MYO1D: variants seen among roughly 807,000 people sequenced by gnomAD.
MYO1D encodes myosin ID, also known as unconventional myosin-Id.
A neutral mutation model predicts 122.0 loss-of-function variants in MYO1D; 83 were observed. That is an observed-to-expected ratio of 0.68 (90% CI 0.57 to 0.82). The LOEUF (loss-of-function observed/expected upper bound fraction) is 0.82. Ranked by LOEUF, MYO1D falls within the 40% of genes least tolerant of loss-of-function variation. The pLI is 0.00. For missense variants in MYO1D, 1,157 were observed against 1,269.5 expected, an observed-to-expected ratio of 0.91 and a Z score of 1.35; for synonymous variants, 464 against 446.9, an observed-to-expected ratio of 1.04 and a Z score of -0.48.
At chr17:32,587,809 C>T (rs1037346714) in intron 21 of MYO1D, among the ~76,000 whole-genome samples, 2 of 152,210 alleles carry the variant, frequency 1.3e-5, no homozygotes, top group Non-Finnish European at 2.9e-5. Context: ...GCACTGGGCA[C>T]AGACTCTCCT....
intron 1 of MYO1D, among the ~76,000 whole-genome samples, chr17:32,819,281 A>C (rs1366494129): frequency 6.6e-6 from 1 of 151,980 alleles, no homozygotes; most frequent in African/African-American, 2.4e-5. Context: ...TAAGCAGGGA[A>C]GTTGGCTGTG....
At position 32,767,690 on chromosome 17, in the gene MYO1D, G is replaced by A; in HGVS notation, c.777C>T (p.Phe259=). The A allele has an allele frequency of 6.2e-7, 1 of 1,613,944 alleles. No homozygotes were observed. The highest frequency in any genetic ancestry group is 8.5e-7 in the Non-Finnish European group (1 of 1,179,968). The stretch of plus-strand genomic sequence containing the variant: ...ACACTGTTTGGATCTCCTCAGGTTT[G>A]AAGCCAATGACTTTCATGGCATCAG... ...VVADAMKVIG[F]KPEEIQTVYK... is the part of the protein sequence containing the mutation. Residue 259 remains phenylalanine (F), a synonymous_variant, in exon 7 of 22, where the codon TTC becomes TTT. Coordinates refer to ENST00000318217, the MANE Select transcript of MYO1D (RefSeq NM_015194.3).
rs11314895 is a variant in MYO1D at position 32,597,489 on chromosome 17, TAA to T, written c.2864+7596_2864+7597del. ...TATGTGTAGCATATCACCATTTTTG[TAA>T]AAAAAAAAGTCATAGGAGATATCTA... On this transcript the variant is annotated intron_variant, in intron 21 of 21. Coordinates refer to ENST00000318217, the MANE Select transcript of MYO1D (RefSeq NM_015194.3). Among the ~76,000 whole-genome samples, 8 of 150,532 alleles carry T rather than the reference TAA, an allele frequency of 5.3e-5. No homozygotes were observed. The South Asian group carries it at 1.0e-3, about 20-fold the overall frequency.
intron 1 of MYO1D, among the ~76,000 whole-genome samples, chr17:32,790,807 C>T (rs1035637913): frequency 3.9e-5 from 6 of 152,156 alleles, no homozygotes; most frequent in Non-Finnish European, 7.3e-5. Context: ...AATAGGTATG[C>T]ACACACACAC....
chr17:32,683,266 A>G (rs1259129039), intron 16 of MYO1D, among the ~76,000 whole-genome samples: 3 of 152,100 alleles, frequency 2.0e-5, no homozygotes, highest in Non-Finnish European at 4.4e-5. Flanking sequence ...GTCATTCTCC[A>G]TCCAGCTTTG....
intron 1 of MYO1D, among the ~76,000 whole-genome samples, chr17:32,826,288 G>A (rs879731132): frequency 1.6e-4 from 3 of 18,682 alleles, no homozygotes; most frequent in African/African-American, 2.4e-4. Flanking sequence ...TCACCTACCT[G>A]CAATCAACAC....
At chr17:32,837,259 T>C (rs1229698797) in intron 1 of MYO1D, among the ~76,000 whole-genome samples, 2 of 148,102 alleles carry the variant, frequency 1.4e-5, no homozygotes, top group African/African-American at 2.5e-5. Context: ...CTTTTCTTTT[T>C]TTTTTTTTAA....
intron 16 of MYO1D, among the ~76,000 whole-genome samples, chr17:32,664,942 C>G (rs1188312223): frequency 6.6e-6 from 1 of 152,146 alleles, no homozygotes; most frequent in Non-Finnish European, 1.5e-5. Context: ...TGGTCTGACA[C>G]TGTCTCCTCC....
chr17:32,572,222 C>G (rs891165994), intron 21 of MYO1D, among the ~76,000 whole-genome samples: 3 of 150,246 alleles, frequency 2.0e-5, no homozygotes, highest in Non-Finnish European at 4.4e-5. Flanking sequence ...CCTTCCAGCA[C>G]TTTTACTCCC....
chr17:32,527,149 G>C (rs1293276833), intron 21 of MYO1D, among the ~76,000 whole-genome samples: 1 of 152,152 alleles, frequency 6.6e-6, no homozygotes, highest in African/African-American at 2.4e-5. Context: ...CATGCCTCTC[G>C]GAACTGCAAG....
intron 16 of MYO1D, among the ~76,000 whole-genome samples, chr17:32,703,337 T>C (rs2150981911): frequency 6.6e-6 from 1 of 152,346 alleles, no homozygotes; most frequent in Non-Finnish European, 1.5e-5. Context: ...TATCTACCTG[T>C]CCAAATTTGT....
chr17:32,813,644 A>C (rs2090590534), intron 1 of MYO1D, among the ~76,000 whole-genome samples: 1 of 152,228 alleles, frequency 6.6e-6, no homozygotes, highest in Admixed American at 6.5e-5. Flanking sequence ...AGTAACAGTA[A>C]AGGAAAGGAA....
intron 16 of MYO1D, among the ~76,000 whole-genome samples, chr17:32,673,288 G>C (rs1454868231): frequency 1.3e-5 from 2 of 151,240 alleles, no homozygotes; most frequent in East Asian, 1.9e-4. Context: ...TATTTTAGTA[G>C]AAACGGGGTT....
At position 32,644,724 on chromosome 17, in the gene MYO1D, C is replaced by G. The variant is rs971020627; in HGVS notation, c.2596-5889G>C. 5.3e-5 allele frequency among the ~76,000 whole-genome samples: 8 copies of G among 152,122 alleles called. No homozygotes were observed. The East Asian group carries it at 1.3e-3, about 26-fold the overall frequency. ...GGTTTAAGGTCCGTTTTATCAGAGACTAGGATTGCAACCCCTGCCTTTTTT... is the reference window on the plus strand; with the variant it reads ...GGTTTAAGGTCCGTTTTATCAGAGAGTAGGATTGCAACCCCTGCCTTTTTT... On this transcript the variant is annotated intron_variant, in intron 19 of 21. Coordinates refer to ENST00000318217, the MANE Select transcript of MYO1D (RefSeq NM_015194.3).
At chr17:32,702,817 C>G (rs1433668977) in intron 16 of MYO1D, among the ~76,000 whole-genome samples, 1 of 152,166 alleles carries the variant, frequency 6.6e-6, no homozygotes, top group Non-Finnish European at 1.5e-5. Flanking sequence ...GACTGTGGAC[C>G]CCACAGTTCA....
rs761118348 is a variant in MYO1D, at chr17:32,605,123, C to T, written c.2828G>A (p.Gly943Glu). The change falls in exon 21 of 22, where the codon GGA (glycine) becomes GAA (glutamate). Residue 943 changes from glycine (G) to glutamate (E), a missense_variant. Gly to Glu is a moderately conservative substitution (Grantham distance 98). Coordinates refer to ENST00000318217, the MANE Select transcript of MYO1D (RefSeq NM_015194.3). ...ATTCACCAGCACTCCAACAAGTTCT[C>T]CAATTCGACTCTCATGGGTTGGCTG... ...SKQPTHESRIGELVGVLVNHF... is the reference protein window; with the variant it reads ...SKQPTHESRIEELVGVLVNHF... 1.9e-6 allele frequency: 3 copies of T among 1,603,998 alleles called. No homozygotes were observed. In the South Asian group the frequency reaches 3.3e-5, roughly 18 times the overall value.
intron 10 of MYO1D, among the ~76,000 whole-genome samples, chr17:32,758,904 T>C (rs1038322967): frequency 2.6e-5 from 4 of 152,124 alleles, no homozygotes; most frequent in African/African-American, 9.7e-5. Context: ...TTAATTCTTT[T>C]TGAGATGTTT....
intron 16 of MYO1D, among the ~76,000 whole-genome samples, chr17:32,703,983 G>A: frequency 6.6e-6 from 1 of 152,170 alleles, no homozygotes; most frequent in Non-Finnish European, 1.5e-5. Context: ...AATCAGTGTG[G>A]ACAGATTTAT....
chr17:32,838,221 A>G (rs2090846080), intron 1 of MYO1D, among the ~76,000 whole-genome samples: 1 of 152,210 alleles, frequency 6.6e-6, no homozygotes, highest in Non-Finnish European at 1.5e-5. Flanking sequence ...CTATTAACAT[A>G]CTGGTCTCAT....
Sources: gnomAD v4.1 joint callset for allele counts (sites outside exome capture counted in the v4.1 genomes callset) on GRCh38, gnomAD v4.1.1 for gene constraint, MANE v1.5 for transcripts, NCBI Gene and HGNC (gene_info 2026-07-23, HGNC 2026-07-21) for gene names.